Variants in SUGCT observed in about 807,000 individuals in gnomAD.
SUGCT encodes the protein succinyl-CoA:glutarate-CoA transferase, also known as succinyl-CoA:glutarate CoA-transferase.
In SUGCT, 41 loss-of-function variants were observed where a neutral mutation model predicts 55.0. The observed-to-expected ratio is 0.74, with a 90% CI of 0.58 to 0.97. The LOEUF is 0.97. Ranked by LOEUF, SUGCT falls within the 50% of genes least tolerant of loss-of-function variation. SUGCT has a pLI of 0.00. For missense variants in SUGCT, 568 were observed against 547.8 expected (o/e 1.04, Z -0.37); for synonymous variants, 187 against 200.4 (o/e 0.93, Z 0.56).
chr7:40,246,599 C>CT (rs113716606), intron 7 of SUGCT, among the ~76,000 whole-genome samples: 136 of 137,334 alleles, frequency 9.9e-4, no homozygotes, highest in South Asian at 1.2e-3. Flanking sequence ...TGAAGGCTTG[C>CT]TTTTTTTTTT....
chr7:40,321,744 C>G (rs1005951695), intron 9 of SUGCT, among the ~76,000 whole-genome samples: 1 of 152,142 alleles, frequency 6.6e-6, no homozygotes, highest in African/African-American at 2.4e-5. Flanking sequence ...ATCCATGTTG[C>G]TGCAAACGAT....
chr7:40,149,525 A>G (rs1280638284), intron 1 of SUGCT, among the ~76,000 whole-genome samples: 1 of 152,214 alleles, frequency 6.6e-6, no homozygotes, highest in African/African-American at 2.4e-5. Context: ...GCGGTGGCTC[A>G]TGCCCGTAAT....
At chr7:40,249,319 A>ATCTATATATATATATCTATATATC (rs1562612016) in intron 7 of SUGCT, among the ~76,000 whole-genome samples, 15 of 39,762 alleles carry the variant, frequency 3.8e-4, no homozygotes, top group Non-Finnish European at 8.9e-4. Flanking sequence ...AAAGCTATAT[A>ATCTATATATATATATCTATATATC]TATATATATA....
the SUGCT span, among the ~76,000 whole-genome samples, chr7:40,941,574 G>T: frequency 6.6e-6 from 1 of 152,216 alleles, no homozygotes; most frequent in Non-Finnish European, 1.5e-5. Flanking sequence ...GCAAATATAT[G>T]TTAGGTCTAT....
the SUGCT span, among the ~76,000 whole-genome samples, chr7:41,036,689 G>A: frequency 6.6e-6 from 1 of 152,100 alleles, no homozygotes; most frequent in African/African-American, 2.4e-5. Flanking sequence ...CAACCTAATA[G>A]CTGCCACTGC....
intron 9 of SUGCT, among the ~76,000 whole-genome samples, chr7:40,381,348 A>G (rs1308980278): frequency 6.6e-6 from 1 of 152,090 alleles, no homozygotes; most frequent in Non-Finnish European, 1.5e-5. Flanking sequence ...GGAATATTAT[A>G]AGACATTGGT....
At chr7:40,268,161 T>C (rs1408559115) in intron 7 of SUGCT, among the ~76,000 whole-genome samples, 1 of 152,222 alleles carries the variant, frequency 6.6e-6, no homozygotes, top group Admixed American at 6.5e-5. Flanking sequence ...CAGTGGCTTT[T>C]AGTATACTTC....
rs569782721 is a variant in SUGCT, at chr7:40,220,770, G to A, written c.485-16865G>A. 4.6e-5 allele frequency among the ~76,000 whole-genome samples: 7 copies of A among 152,082 alleles called. No individual in the cohort carries two copies. The South Asian group carries it at 1.5e-3, about 32-fold the overall frequency. On this transcript the variant is annotated intron_variant, in intron 6 of 13. Coordinates refer to ENST00000335693, the MANE Select transcript of SUGCT (RefSeq NM_001193313.2). ...GCAAATTCTAAATTATTTATTTTTG[G>A]AGTAGCCACAGAAAAATTCTGAACC...
chr7:40,248,004 TG>T lies in SUGCT; in HGVS notation c.576+10279del, dbSNP rs374102128. Among the ~76,000 whole-genome samples, 210 of 88,116 alleles carry T rather than the reference TG, an allele frequency of 2.4e-3. 2 individuals are homozygous for T. The highest frequency in any genetic ancestry group is 4.1e-3 in the Non-Finnish European group (185 of 45,314). 57.8% of individuals were successfully genotyped at this position (88,116 alleles called of 152,430 possible). A position where few individuals can be genotyped will look rare whatever the true frequency, so the allele number is the denominator to read the frequency against. Reference sequence around the variant, plus strand: ...TTTATAGTTGTGATTCTTGTGTTTTTGTTTTTTTGTTTTTTTTTTTTTTTGA... The same window carrying T: ...TTTATAGTTGTGATTCTTGTGTTTTTTTTTTTTGTTTTTTTTTTTTTTTGA... On this transcript the variant is annotated intron_variant, in intron 7 of 13. Coordinates refer to ENST00000335693, the MANE Select transcript of SUGCT (RefSeq NM_001193313.2).
chr7:40,356,209 G>A (rs1191247321), intron 9 of SUGCT, among the ~76,000 whole-genome samples: 1 of 152,180 alleles, frequency 6.6e-6, no homozygotes, highest in African/African-American at 2.4e-5. Context: ...GGCATAACTC[G>A]TGATTCAAAC....
At chr7:40,174,296 T>C (rs1784820706) in intron 1 of SUGCT, among the ~76,000 whole-genome samples, 1 of 152,100 alleles carries the variant, frequency 6.6e-6, no homozygotes, top group Admixed American at 6.6e-5. Flanking sequence ...GTGCTCGGAT[T>C]ACAGGCGTGA....
chr7:40,828,258 TC>T, intron 13 of SUGCT, among the ~76,000 whole-genome samples: 1 of 152,136 alleles, frequency 6.6e-6, no homozygotes, highest in Non-Finnish European at 1.5e-5. Context: ...AGAACCTCTA[TC>T]CCCAACCCAT....
In SUGCT at chr7:40,300,792, A is replaced by AAC. The variant is rs140983261; in HGVS notation, c.721-15968_721-15967insAC. Among the ~76,000 whole-genome samples, 505 of 152,290 alleles carry AAC rather than the reference A, an allele frequency of 3.3e-3. 2 individuals are homozygous for AAC. The highest frequency in any genetic ancestry group is 0.011 in the African/African-American group (463 of 41,544). On this transcript the variant is annotated intron_variant, in intron 8 of 13. Coordinates refer to ENST00000335693, the MANE Select transcript of SUGCT (RefSeq NM_001193313.2). ...AGGAGTTCTGACTGTAATGTAAGTT[A>AAC]GTGAATTTCTGAAATCAGTTTCCTT...
At chr7:40,228,197 T>G (rs1314057763) in intron 6 of SUGCT, among the ~76,000 whole-genome samples, 1 of 152,088 alleles carries the variant, frequency 6.6e-6, no homozygotes, top group Non-Finnish European at 1.5e-5. Context: ...TTTCTTTCCT[T>G]TTTTGTCATT....
chr7:40,481,913 C>T (rs935031030), intron 11 of SUGCT, among the ~76,000 whole-genome samples: 4 of 152,126 alleles, frequency 2.6e-5, no homozygotes, highest in African/African-American at 7.2e-5. Flanking sequence ...ACAGATAATA[C>T]AGATTTTATT....
intron 7 of SUGCT, among the ~76,000 whole-genome samples, chr7:40,251,546 C>A (rs1008329817): frequency 3.9e-5 from 6 of 152,170 alleles, no homozygotes; most frequent in African/African-American, 1.4e-4. Context: ...AAGACCCCAG[C>A]CAATTCCCTA....
chr7:40,819,492 A>C (rs1221812221), intron 13 of SUGCT, among the ~76,000 whole-genome samples: 2 of 151,964 alleles, frequency 1.3e-5, no homozygotes, highest in African/African-American at 2.4e-5. Context: ...TTTGATTTGC[A>C]TTTCTCTGAT....
intron 9 of SUGCT, among the ~76,000 whole-genome samples, chr7:40,440,015 G>T (rs1788416163): frequency 6.6e-6 from 1 of 152,004 alleles, no homozygotes; most frequent in Non-Finnish European, 1.5e-5. Flanking sequence ...GAGGCCTTCA[G>T]ACTCCTCACT....
chr7:40,771,603 G>A (rs1789110175), intron 13 of SUGCT, among the ~76,000 whole-genome samples: 1 of 152,076 alleles, frequency 6.6e-6, no homozygotes, highest in Non-Finnish European at 1.5e-5. Flanking sequence ...GAATAAAAGT[G>A]TAATTATTAT....
Sources: gnomAD v4.1 joint callset for allele counts (sites outside exome capture counted in the v4.1 genomes callset) on GRCh38, gnomAD v4.1.1 for gene constraint, MANE v1.5 for transcripts, NCBI Gene and HGNC (gene_info 2026-07-23, HGNC 2026-07-21) for gene names.